Variants in WBP4 observed in about 807,000 individuals in gnomAD.
WBP4 encodes the protein WW domain binding protein 4.
WBP4 carries 37 observed loss-of-function variants against 55.4 expected under a neutral mutation model. The ratio of observed to expected loss-of-function variants is 0.67; its 90% CI spans 0.51 to 0.88. The LOEUF (loss-of-function observed/expected upper bound fraction) is 0.88, where lower values mean the gene tolerates loss of function less well. WBP4 is among the 40% of genes least tolerant of loss of function. WBP4 has a pLI of 0.00. For synonymous variants in WBP4, 142 were observed against 140.2 expected (o/e 1.01, Z -0.09); for missense variants, 398 against 420.8 (o/e 0.95, Z 0.47).
intron 7 of WBP4, 48 bp from the exon 8 acceptor site, chr13:41,075,996 G>T (rs1878462416): frequency 2.6e-6 from 4 of 1,558,706 alleles, no homozygotes; most frequent in Non-Finnish European, 3.5e-6. Context: ...AATTACATCT[G>T]AATAGAATTA....
At chr13:41,062,063 C>A in intron 1 of WBP4, 1 of 982,420 alleles carries the variant, frequency 1.0e-6, no homozygotes, top group South Asian at 4.7e-5. Flanking sequence ...CTCCCCCGCC[C>A]ACTGGAAGCG....
At chr13:41,076,737 C>T (rs571179235) in intron 8 of WBP4, among the ~76,000 whole-genome samples, 11 of 152,096 alleles carry the variant, frequency 7.2e-5, no homozygotes, top group South Asian at 2.1e-4. Context: ...GCAATGGTTG[C>T]GATTGTTGGC....
intron 5 of WBP4, 106 bp downstream of exon 5, chr13:41,068,843 T>C (rs1473907983): frequency 8.9e-6 from 11 of 1,237,756 alleles, no homozygotes; most frequent in Non-Finnish European, 1.2e-5. Flanking sequence ...CTTTAAATAG[T>C]GAAAGACCGG....
Position 41,061,620 on chromosome 13 carries a change from A to G in WBP4, c.-54A>G. On this transcript the variant is annotated 5_prime_UTR_variant, in exon 1 of 10. Coordinates refer to ENST00000379487, the MANE Select transcript of WBP4 (RefSeq NM_007187.5). ...GAAGAGCTCGACTCGTCCCGCTGGGAAAGCGCGAGTCTGAGTGGAACCCTG... is the reference window on the plus strand; with the variant it reads ...GAAGAGCTCGACTCGTCCCGCTGGGGAAGCGCGAGTCTGAGTGGAACCCTG... 1 of 1,613,894 alleles carries G rather than the reference A, an allele frequency of 6.2e-7. No homozygotes were observed. The highest frequency in any genetic ancestry group is 8.5e-7 in the Non-Finnish European group (1 of 1,179,968).
chr13:41,079,837 A>T (rs951068120), intron 8 of WBP4, among the ~76,000 whole-genome samples: 24 of 151,792 alleles, frequency 1.6e-4, no homozygotes, highest in African/African-American at 2.2e-4. Flanking sequence ...AGGATTGGAT[A>T]AAAAAAATGC....
chr13:41,073,250 A>T (rs1307890232), intron 7 of WBP4, among the ~76,000 whole-genome samples: 1 of 152,228 alleles, frequency 6.6e-6, no homozygotes, highest in Non-Finnish European at 1.5e-5. Context: ...ACAGTGGCAC[A>T]TGCCTGTAAT....
rs186772875 is a variant in WBP4 at position 41,067,371 on chromosome 13, T to C, written c.263-1190T>C. Among the ~76,000 whole-genome samples, 562 of 152,358 alleles carry C rather than the reference T, an allele frequency of 3.7e-3. 8 individuals are homozygous for C. Among genetic ancestry groups the C allele is most frequent in the African/African-American group, 0.012 (480 of 41,590 alleles). On this transcript the variant is annotated intron_variant, in intron 4 of 9. Transcript: ENST00000379487. ...GCAAAACAACAACAAAACATTTCTT[T>C]GAATATTAGCAAAAGTAAATGTTAA...
At chr13:41,082,353 A>G (rs1011986779) in intron 9 of WBP4, among the ~76,000 whole-genome samples, 10 of 152,020 alleles carry the variant, frequency 6.6e-5, no homozygotes, top group Admixed American at 3.3e-4. Context: ...AGCTCAAGTG[A>G]TCCTCCTGCC....
rs1041713600 is a variant in WBP4, at chr13:41,083,055, T to A, written c.*141T>A. 1.9e-5 allele frequency: 16 copies of A among 854,044 alleles called. No homozygotes were observed. In the Admixed American group the frequency reaches 4.2e-4, roughly 22 times the overall value. 52.9% of individuals were successfully genotyped at this position (854,044 alleles called of 1,614,324 possible). On this transcript the variant is annotated 3_prime_UTR_variant, in exon 10 of 10. Transcript: ENST00000379487. Reference sequence around the variant, plus strand: ...TGTATTTGATGTGAATTAAAATAAATATTTTTTCATGTGAAATTTATTTTG... The same window carrying A: ...TGTATTTGATGTGAATTAAAATAAAAATTTTTTCATGTGAAATTTATTTTG...
rs766208688 is a variant in WBP4 at position 41,072,869 on chromosome 13, C to T, written c.562+12C>T. The T allele has an allele frequency of 1.3e-5, 21 of 1,596,562 alleles. No homozygotes were observed. In the African/African-American group the frequency reaches 2.4e-4, roughly 18 times the overall value. The stretch of plus-strand genomic sequence containing the variant: ...TACAGAAACAGGAGGTAAGTATTAC[C>T]TTTGATTATCTTAACTGTTTAAAAT... On this transcript the variant is annotated intron_variant, in intron 7 of 9. Coordinates refer to ENST00000379487, the MANE Select transcript of WBP4 (RefSeq NM_007187.5).
chr13:41,061,789 C>A, intron 1 of WBP4, 114 bp downstream of exon 1: 1 of 1,533,670 alleles, frequency 6.5e-7, no homozygotes. Context: ...GTGACAGACG[C>A]GTTCTTAACT....
intron 7 of WBP4, among the ~76,000 whole-genome samples, chr13:41,075,363 C>T (rs185532056): frequency 1.3e-5 from 2 of 152,240 alleles, no homozygotes; most frequent in East Asian, 3.9e-4. Context: ...TAATTTCACT[C>T]CATGAAAATC....
chr13:41,075,726 G>A (rs1380394007), intron 7 of WBP4, among the ~76,000 whole-genome samples: 1 of 152,002 alleles, frequency 6.6e-6, no homozygotes, highest in African/African-American at 2.4e-5. Context: ...GAAATCTCTT[G>A]TTTGCTCATT....
chr13:41,070,016 A>T (rs980006037), intron 5 of WBP4, among the ~76,000 whole-genome samples: 22 of 152,156 alleles, frequency 1.4e-4, no homozygotes, highest in African/African-American at 5.3e-4. Context: ...AAATTAATAC[A>T]TTTATTCTAC....
chr13:41,063,474 AT>A (rs35118756), intron 2 of WBP4, among the ~76,000 whole-genome samples: 4 of 151,442 alleles, frequency 2.6e-5, no homozygotes, highest in East Asian at 3.9e-4. Context: ...TAGGATTTGG[AT>A]TTTTTTTTGA....
Position 41,065,257 on chromosome 13 carries a change from G to C in WBP4, c.232G>C (p.Glu78Gln), listed in dbSNP as rs769970678. The change falls in exon 4 of 10, where the codon GAG becomes CAG. Residue 78 changes from glutamate to glutamine, a missense_variant. By Grantham distance (29) the Glu-to-Gln change is conservative. Coordinates refer to ENST00000379487, the MANE Select transcript of WBP4 (RefSeq NM_007187.5). ...GGCAGCTGCCCTGAAAGCATACCAA[G>C]AGGATTTGAAAAGACTTGGCTTAGA... ...MEAAALKAYQ[E>Q]DLKRLGLESE... The C allele has an allele frequency of 1.4e-5, 22 of 1,539,672 alleles. No homozygotes were observed. The East Asian group carries it at 5.4e-4, about 38-fold the overall frequency.
In WBP4 at chr13:41,064,971, T is replaced by A. The variant is rs1459155974; in HGVS notation, c.76-45T>A. ...ATTATGTTTACTATGAATTTTATGA[T>A]GTTTATGTAGTTTTCTTTTGTTATT... On this transcript the variant is annotated intron_variant, in intron 2 of 9. Transcript: ENST00000379487. The A allele has an allele frequency of 2.7e-6, 4 of 1,469,310 alleles. No homozygotes were observed. The Admixed American group carries it at 1.0e-4, about 37-fold the overall frequency. 91.0% of individuals were successfully genotyped at this position (1,469,310 alleles called of 1,614,324 possible).
chr13:41,080,568 C>A, intron 8 of WBP4, 78 bp from the exon 9 acceptor site: 2 of 1,083,096 alleles, frequency 1.8e-6, no homozygotes, highest in Non-Finnish European at 1.3e-6. Context: ...TATAACAATA[C>A]CTTTAAAAGC....
intron 9 of WBP4, among the ~76,000 whole-genome samples, chr13:41,081,804 ACT>A (rs1280720503): frequency 6.6e-6 from 1 of 152,166 alleles, no homozygotes; most frequent in African/African-American, 2.4e-5. Flanking sequence ...ACAGAGCAAG[ACT>A]CTGTCCTAAA....
Sources: gnomAD v4.1 joint callset for allele counts (sites outside exome capture counted in the v4.1 genomes callset) on GRCh38, gnomAD v4.1.1 for gene constraint, MANE v1.5 for transcripts, NCBI Gene and HGNC (gene_info 2026-07-23, HGNC 2026-07-21) for gene names.